NT5C2: variants seen among roughly 807,000 people sequenced by gnomAD.
The protein encoded by NT5C2 is cytosolic purine 5'-nucleotidase.
A neutral mutation model predicts 76.1 loss-of-function variants in NT5C2; 58 were observed. That is an observed-to-expected ratio of 0.76 (90% CI 0.62 to 0.95). The LOEUF is 0.95. Ranked by LOEUF, NT5C2 falls within the 40% of genes least tolerant of loss-of-function variation. The pLI is 0.00. For synonymous variants in NT5C2, 229 were observed against 237.4 expected (o/e 0.96, Z 0.32); for missense variants, 478 against 690.3 (o/e 0.69, Z 3.45).
In NT5C2 at chr10:103,091,567, T is replaced by C; in HGVS notation, c.1208A>G (p.Tyr403Cys). ...QSLDIFLAEL[Y>C]KHLDSSSNER... ...AAGAAATTTTTAGAAAACTTACTTGTAGAGTTCAGCCAAGAAAATATCCAA... is the reference window on the plus strand; with the variant it reads ...AAGAAATTTTTAGAAAACTTACTTGCAGAGTTCAGCCAAGAAAATATCCAA... The change falls in exon 16 of 19, where the codon TAC becomes TGC. Residue 403 changes from tyrosine (Y) to cysteine (C), a missense_variant. Tyr to Cys is a radical substitution (Grantham distance 194, BLOSUM62 -2). Coordinates refer to ENST00000404739, the MANE Select transcript of NT5C2 (RefSeq NM_001351169.2). 1 of 1,612,196 alleles carries C rather than the reference T, an allele frequency of 6.2e-7. No homozygotes were observed. The highest frequency in any genetic ancestry group is 8.5e-7 in the Non-Finnish European group (1 of 1,178,424).
intron 4 of NT5C2, among the ~76,000 whole-genome samples, chr10:103,131,389 AATC>A (rs2078142267): frequency 6.6e-6 from 1 of 152,248 alleles, no homozygotes; most frequent in Non-Finnish European, 1.5e-5. Context: ...GCTGAAATAT[AATC>A]ATCAATGTGA....
intron 3 of NT5C2, among the ~76,000 whole-genome samples, chr10:103,167,244 C>T (rs2086636524): frequency 6.6e-6 from 1 of 152,076 alleles, no homozygotes; most frequent in Non-Finnish European, 1.5e-5. Flanking sequence ...TCTCAAACTC[C>T]TGACCTCAGG....
intron 3 of NT5C2, among the ~76,000 whole-genome samples, chr10:103,145,862 C>T (rs1455576662): frequency 6.6e-6 from 1 of 152,084 alleles, no homozygotes. Context: ...TAAACTCCAT[C>T]CAAGTAAATA....
At chr10:103,178,409 G>A (rs911352905) in intron 2 of NT5C2, among the ~76,000 whole-genome samples, 1 of 152,120 alleles carries the variant, frequency 6.6e-6, no homozygotes, top group Non-Finnish European at 1.5e-5. Context: ...GTTGGGCATG[G>A]TGGTCCGTAT....
intron 3 of NT5C2, among the ~76,000 whole-genome samples, chr10:103,144,124 G>A (rs2081069034): frequency 6.6e-6 from 1 of 152,096 alleles, no homozygotes; most frequent in Non-Finnish European, 1.5e-5. Context: ...ACAAAATAAT[G>A]GTTGTAGCTC....
At chr10:103,096,717 G>A (rs982663687) in intron 11 of NT5C2, among the ~76,000 whole-genome samples, 4 of 151,600 alleles carry the variant, frequency 2.6e-5, no homozygotes, top group African/African-American at 4.9e-5. Flanking sequence ...GCAGTGGCAG[G>A]TGCCTGTAAT....
At position 103,190,870 on chromosome 10, in the gene NT5C2, A is replaced by G. The variant is rs148824135; in HGVS notation, c.-169+2366T>C. On this transcript the variant is annotated intron_variant, in intron 1 of 18. Transcript: ENST00000404739. ...TGTTGACTACCGGGGCACATTAGAG[A>G]GCATCTACTAATGAAGATTAGATGA... 2.2e-4 allele frequency among the ~76,000 whole-genome samples: 33 copies of G among 152,348 alleles called. 2 individuals are homozygous for G. The East Asian group carries it at 6.2e-3, about 28-fold the overall frequency.
At chr10:103,108,047 C>T (rs1260487234) in intron 4 of NT5C2, among the ~76,000 whole-genome samples, 1 of 151,422 alleles carries the variant, frequency 6.6e-6, no homozygotes, top group Non-Finnish European at 1.5e-5. Flanking sequence ...CCCAGCTACT[C>T]GGGAGGGTGA....
intron 3 of NT5C2, among the ~76,000 whole-genome samples, chr10:103,166,234 T>A (rs1323890722): frequency 6.6e-6 from 1 of 152,168 alleles, no homozygotes; most frequent in Non-Finnish European, 1.5e-5. Flanking sequence ...GACACAAGAG[T>A]TTCCTCATAA....
At chr10:103,101,477 G>A (rs921399516) in intron 6 of NT5C2, 151 bp from the exon 7 acceptor site, 26 of 459,576 alleles carry the variant, frequency 5.7e-5, no homozygotes, top group African/African-American at 3.0e-4. Flanking sequence ...GAAGATGAAC[G>A]AGTTCAGGTT....
chr10:103,097,949 T>C (rs2134934929), intron 10 of NT5C2: 1 of 480,472 alleles, frequency 2.1e-6, no homozygotes, highest in African/African-American at 2.1e-5. Flanking sequence ...ATTCCTTCAC[T>C]CAAATTCTCC....
intron 1 of NT5C2, among the ~76,000 whole-genome samples, chr10:103,188,975 C>A (rs142252103): frequency 2.0e-5 from 3 of 151,454 alleles, no homozygotes; most frequent in African/African-American, 7.3e-5. Flanking sequence ...TCGAGCCAGC[C>A]TGGGCAACAA....
intron 3 of NT5C2, among the ~76,000 whole-genome samples, chr10:103,156,414 T>C (rs1045951283): frequency 2.6e-5 from 4 of 152,192 alleles, no homozygotes; most frequent in East Asian, 1.9e-4. Flanking sequence ...TATTTAGAAA[T>C]TGCTTCCTAA....
At chr10:103,192,904 G>A (rs985785197) in intron 1 of NT5C2, among the ~76,000 whole-genome samples, 2 of 152,198 alleles carry the variant, frequency 1.3e-5, no homozygotes, top group African/African-American at 4.8e-5. Flanking sequence ...CGGCCGCGCT[G>A]GGAGGCTGAG....
At chr10:103,144,228 A>G (rs2081093006) in intron 3 of NT5C2, among the ~76,000 whole-genome samples, 1 of 152,200 alleles carries the variant, frequency 6.6e-6, no homozygotes, top group African/African-American at 2.4e-5. Flanking sequence ...AGGCCCTAAC[A>G]GCTGACATGC....
At position 103,117,372 on chromosome 10, in the gene NT5C2, G is replaced by A. The variant is rs562985014; in HGVS notation, c.176-10666C>T. 8.5e-5 allele frequency among the ~76,000 whole-genome samples: 13 copies of A among 152,318 alleles called. No homozygotes were observed. In the South Asian group the frequency reaches 1.9e-3, roughly 22 times the overall value. Reference sequence around the variant, plus strand: ...CAAAACAATCACTACCAGGCTGGGCGTGATGGCTCACACTTAACAGTCTCA... The same window carrying A: ...CAAAACAATCACTACCAGGCTGGGCATGATGGCTCACACTTAACAGTCTCA... On this transcript the variant is annotated intron_variant, in intron 4 of 18. Coordinates refer to ENST00000404739, the MANE Select transcript of NT5C2 (RefSeq NM_001351169.2).
In NT5C2 at chr10:103,090,661, T is replaced by C. The variant is rs1186701443; in HGVS notation, c.1399A>G (p.Asn467Asp). ...TAGCTGAAAGGGTAATACAGCAGGT[T>C]GATGAAAGATGCTGCATAGAGGTCA... ...YADLYAASFINLLYYPFSYLF... is the reference protein window; with the variant it reads ...YADLYAASFIDLLYYPFSYLF... The change falls in exon 18 of 19, where the codon AAC (asparagine) becomes GAC (aspartate). Residue 467 changes from asparagine (N) to aspartate (D), a missense_variant. Physicochemically the swap from Asn to Asp is conservative, Grantham distance 23. Coordinates refer to ENST00000404739, the MANE Select transcript of NT5C2 (RefSeq NM_001351169.2). 6.2e-7 allele frequency: 1 copy of C among 1,614,122 alleles called. No homozygotes were observed.
chr10:103,113,491 C>T (rs988361735), intron 4 of NT5C2, among the ~76,000 whole-genome samples: 13 of 149,630 alleles, frequency 8.7e-5, no homozygotes, highest in Non-Finnish European at 1.5e-4. Flanking sequence ...ACAGAAATAG[C>T]TAATATTTTT....
intron 1 of NT5C2, among the ~76,000 whole-genome samples, chr10:103,192,752 G>T (rs1296881319): frequency 6.6e-6 from 1 of 152,224 alleles, no homozygotes; most frequent in African/African-American, 2.4e-5. Context: ...CTCTGGGGGC[G>T]GGGAGGCTTT....
Sources: gnomAD v4.1 joint callset for allele counts (sites outside exome capture counted in the v4.1 genomes callset) on GRCh38, gnomAD v4.1.1 for gene constraint, MANE v1.5 for transcripts, NCBI Gene and HGNC (gene_info 2026-07-23, HGNC 2026-07-21) for gene names.